Variants in FHIP1A observed in about 807,000 individuals in gnomAD.
The protein encoded by FHIP1A is FHF complex subunit HOOK-interacting protein 1A.
FHIP1A carries 61 observed loss-of-function variants against 88.6 expected under a neutral mutation model. That is an observed-to-expected ratio of 0.69 (90% CI 0.56 to 0.85). The LOEUF (loss-of-function observed/expected upper bound fraction) is 0.85. Ranked by LOEUF, FHIP1A falls within the 40% of genes least tolerant of loss-of-function variation. The pLI, the probability that FHIP1A is intolerant of heterozygous loss-of-function variation, is 0.00. For synonymous variants in FHIP1A, 478 were observed against 496.0 expected, an observed-to-expected ratio of 0.96 and a Z score of 0.48; for missense variants, 1,154 against 1,273.5, an observed-to-expected ratio of 0.91 and a Z score of 1.43.
chr4:151,650,389 C>T lies in FHIP1A; in HGVS notation c.2348C>T (p.Thr783Ile). 6.4e-7 allele frequency: 1 copy of T among 1,551,538 alleles called. No homozygotes were observed. Among genetic ancestry groups the T allele is most frequent in the Non-Finnish European group, 8.7e-7 (1 of 1,146,958 alleles). Residue 783 changes from threonine (T) to isoleucine (I), a missense_variant, in exon 11 of 14, where the codon ACT (threonine) becomes ATT (isoleucine). Coordinates refer to ENST00000435205, the MANE Select transcript of FHIP1A (RefSeq NM_001109977.3). ...NYPTPDPLLL[T>I]KEEEGKEESK... Reference sequence around the variant, plus strand: ...CCCACACCTGATCCCTTGCTTCTCACTAAGGAGGAAGAAGGGAAGGAAGAG... The same window carrying T: ...CCCACACCTGATCCCTTGCTTCTCATTAAGGAGGAAGAAGGGAAGGAAGAG...
At chr4:151,568,124 T>C (rs564207627) in intron 4 of FHIP1A, among the ~76,000 whole-genome samples, 4 of 152,330 alleles carry the variant, frequency 2.6e-5, no homozygotes, top group African/African-American at 9.6e-5. Flanking sequence ...CAGTACATTG[T>C]GTCACATTGT....
chr4:151,440,913 C>T (rs1267298931), intron 1 of FHIP1A, among the ~76,000 whole-genome samples: 1 of 152,262 alleles, frequency 6.6e-6, no homozygotes, highest in Non-Finnish European at 1.5e-5. Flanking sequence ...ATCTGCTCAG[C>T]TGAGGCCTCC....
Position 151,646,648 on chromosome 4 carries a change from C to G in FHIP1A, c.1317C>G (p.Leu439=), listed in dbSNP as rs929276361. The change falls in exon 10 of 14, where the codon CTC becomes CTG. Residue 439 remains leucine (L), a synonymous_variant. Transcript: ENST00000435205. ...DCYSVSAAKL[L]ALTPVCCSSG... is the part of the protein sequence containing the mutation. ...ACTCTGTTTCTGCGGCCAAGCTTCT[C>G]GCCTTGACTCCTGTCTGCTGCTCCA... 5.2e-5 allele frequency: 80 copies of G among 1,551,390 alleles called. No homozygotes were observed. The highest frequency in any genetic ancestry group is 7.0e-5 in the Non-Finnish European group (80 of 1,146,830).
intron 3 of FHIP1A, among the ~76,000 whole-genome samples, chr4:151,496,475 C>T (rs536361326): frequency 2.6e-5 from 4 of 151,998 alleles, no homozygotes; most frequent in African/African-American, 7.2e-5. Context: ...GTAGTTGACC[C>T]TTAAGAAAGA....
At chr4:151,494,692 T>C (rs186127538) in intron 3 of FHIP1A, among the ~76,000 whole-genome samples, 4 of 152,340 alleles carry the variant, frequency 2.6e-5, no homozygotes, top group Non-Finnish European at 5.9e-5. Flanking sequence ...AATACTTTTT[T>C]CTAATTTTAT....
At chr4:151,501,405 G>A (rs2126662973) in intron 3 of FHIP1A, among the ~76,000 whole-genome samples, 1 of 152,134 alleles carries the variant, frequency 6.6e-6, no homozygotes, top group Admixed American at 6.5e-5. Context: ...AAACACCGAT[G>A]TACAAGTGTT....
rs531545059 is a variant in FHIP1A, at chr4:151,655,874, A to G, written c.2552-358A>G. Among the ~76,000 whole-genome samples, 5 of 152,336 alleles carry G rather than the reference A, an allele frequency of 3.3e-5. No homozygotes were observed. The South Asian group carries it at 1.0e-3, about 32-fold the overall frequency. On this transcript the variant is annotated intron_variant, in intron 11 of 13. Transcript: ENST00000435205. ...ATGAGATGATGGCTGTCATGTTTTA[A>G]GCATTGGCAGCCCCAAGAAATACAG...
chr4:151,438,077 T>C (rs2126553566), intron 1 of FHIP1A, among the ~76,000 whole-genome samples: 1 of 151,910 alleles, frequency 6.6e-6, no homozygotes, highest in East Asian at 1.9e-4. Flanking sequence ...GGGAAAGTGC[T>C]GAGAGACCAA....
intron 3 of FHIP1A, among the ~76,000 whole-genome samples, chr4:151,489,342 T>A (rs1402008134): frequency 1.3e-5 from 2 of 152,168 alleles, no homozygotes; most frequent in Non-Finnish European, 2.9e-5. Context: ...CAGGGGTCTT[T>A]GGGGAAGGGA....
At chr4:151,640,020 G>GGT (rs1176810671) in intron 9 of FHIP1A, among the ~76,000 whole-genome samples, 1 of 152,194 alleles carries the variant, frequency 6.6e-6, no homozygotes. Context: ...TTTCCAAATA[G>GGT]GTAGCTCTGG....
At chr4:151,578,664 A>C (rs944169955) in intron 5 of FHIP1A, among the ~76,000 whole-genome samples, 1 of 152,164 alleles carries the variant, frequency 6.6e-6, no homozygotes, top group East Asian at 1.9e-4. Context: ...AAATTGGTAC[A>C]CTTACTTTGG....
chr4:151,439,251 G>C (rs1360076506), intron 1 of FHIP1A, among the ~76,000 whole-genome samples: 1 of 152,136 alleles, frequency 6.6e-6, no homozygotes, highest in Non-Finnish European at 1.5e-5. Context: ...TAAAAGGACT[G>C]ACTCCAGAGT....
chr4:151,509,750 T>A lies in FHIP1A; in HGVS notation c.-123+27102T>A, dbSNP rs529733841. The stretch of plus-strand genomic sequence containing the variant: ...TGCTCAAAGTACGTTAAAAATACTG[T>A]CTCTATGTTTGTGTGTGTGTGTGTG... On this transcript the variant is annotated intron_variant, in intron 3 of 13. Coordinates refer to ENST00000435205, the MANE Select transcript of FHIP1A (RefSeq NM_001109977.3). 1.8e-4 allele frequency among the ~76,000 whole-genome samples: 24 copies of A among 136,272 alleles called. 1 individual carries two copies. The South Asian group carries it at 4.8e-3, about 27-fold the overall frequency. The allele number at this position is 136,272 out of a possible 152,430, so 89.4% of individuals were successfully genotyped here.
At chr4:151,424,394 A>AG (rs1733288372) in intron 1 of FHIP1A, among the ~76,000 whole-genome samples, 1 of 152,108 alleles carries the variant, frequency 6.6e-6, no homozygotes, top group South Asian at 2.1e-4. Flanking sequence ...TTTACTCCCG[A>AG]GGGGAGAAGA....
chr4:151,612,936 C>T (rs898208027), intron 7 of FHIP1A, among the ~76,000 whole-genome samples: 50 of 152,178 alleles, frequency 3.3e-4, no homozygotes, highest in African/African-American at 1.1e-3. Flanking sequence ...GCTAGAGACG[C>T]GACACCTTAC....
intron 7 of FHIP1A, among the ~76,000 whole-genome samples, chr4:151,625,169 C>T (rs1338166347): frequency 6.6e-6 from 1 of 152,196 alleles, no homozygotes; most frequent in Non-Finnish European, 1.5e-5. Flanking sequence ...CCTTGTCATT[C>T]TTTTCCCCTC....
intron 3 of FHIP1A, among the ~76,000 whole-genome samples, chr4:151,506,860 A>G (rs777092531): frequency 3.9e-5 from 6 of 152,242 alleles, no homozygotes; most frequent in Non-Finnish European, 5.9e-5. Context: ...GTTATGTAAT[A>G]TGGGAAGAGA....
At chr4:151,471,325 A>G (rs2126617262) in intron 2 of FHIP1A, among the ~76,000 whole-genome samples, 1 of 104,358 alleles carries the variant, frequency 9.6e-6, no homozygotes, top group South Asian at 2.7e-4. Context: ...TTTTCCAATA[A>G]GGAAAAAAAA....
intron 2 of FHIP1A, among the ~76,000 whole-genome samples, chr4:151,467,488 G>T (rs1238616037): frequency 6.6e-6 from 1 of 152,138 alleles, no homozygotes; most frequent in Non-Finnish European, 1.5e-5. Context: ...ATACTCAAAG[G>T]ATTATAAATC....
Sources: gnomAD v4.1 joint callset for allele counts (sites outside exome capture counted in the v4.1 genomes callset) on GRCh38, gnomAD v4.1.1 for gene constraint, MANE v1.5 for transcripts, NCBI Gene and HGNC (gene_info 2026-07-23, HGNC 2026-07-21) for gene names.